SLC2A10: variants seen among roughly 807,000 people sequenced by gnomAD.
SLC2A10 encodes solute carrier family 2 member 10, also known as solute carrier family 2, facilitated glucose transporter member 10.
SLC2A10 carries 25 observed loss-of-function variants against 32.1 expected under a neutral mutation model. The ratio of observed to expected loss-of-function variants is 0.78; its 90% confidence interval spans 0.57 to 1.09. The LOEUF is 1.09. Ranked by LOEUF, SLC2A10 falls within the 50% of genes least tolerant of loss-of-function variation. SLC2A10 has a pLI of 0.00. For synonymous variants in SLC2A10, 332 were observed against 309.6 expected (o/e 1.07, Z -0.76); for missense variants, 673 against 686.5 (o/e 0.98, Z 0.22).
chr20:46,717,424 C>T (rs896588818), intron 1 of SLC2A10, among the ~76,000 whole-genome samples: 2 of 152,092 alleles, frequency 1.3e-5, no homozygotes, highest in Non-Finnish European at 2.9e-5. Context: ...CTTGCTCTGT[C>T]GCCCAGGCTG....
At chr20:46,708,547 C>G (rs1978719544), upstream of SLC2A10, among the ~76,000 whole-genome samples, 1 of 152,214 alleles carries the variant, frequency 6.6e-6, no homozygotes, top group Non-Finnish European at 1.5e-5. Flanking sequence ...TGCCCCTCTT[C>G]CAGTCTGTAA....
chr20:46,713,827 C>G (rs1009985337), intron 1 of SLC2A10, among the ~76,000 whole-genome samples: 2 of 152,114 alleles, frequency 1.3e-5, no homozygotes, highest in African/African-American at 4.8e-5. Flanking sequence ...GCTGGGGCCC[C>G]GGAGGCTCAG....
Position 46,725,419 on chromosome 20 carries a change from G to A in SLC2A10, c.383G>A (p.Gly128Glu), listed in dbSNP as rs1226198239. 1.9e-6 allele frequency: 3 copies of A among 1,614,004 alleles called. No homozygotes were observed. In the Admixed American group the frequency reaches 5.0e-5, roughly 27 times the overall value. ...ACCIYVSELV[G>E]PRQRGVLVSL... Reference sequence around the variant, plus strand: ...TGTATCTACGTGTCAGAGCTGGTGGGGCCACGGCAGCGGGGAGTGCTGGTG... The same window carrying A: ...TGTATCTACGTGTCAGAGCTGGTGGAGCCACGGCAGCGGGGAGTGCTGGTG... The change falls in exon 2 of 5, where the codon GGG (glycine) becomes GAG (glutamate). Residue 128 changes from glycine (G) to glutamate (E), a missense_variant. Coordinates refer to ENST00000359271, the MANE Select transcript of SLC2A10 (RefSeq NM_030777.4).
At chr20:46,723,230 G>A (rs1022384546) in intron 1 of SLC2A10, among the ~76,000 whole-genome samples, 3 of 152,086 alleles carry the variant, frequency 2.0e-5, no homozygotes, top group African/African-American at 4.8e-5. Context: ...GGCTGCTGAA[G>A]CTCCAGTCAT....
intron 1 of SLC2A10, among the ~76,000 whole-genome samples, chr20:46,713,339 G>T (rs1293077914): frequency 6.6e-6 from 1 of 152,072 alleles, no homozygotes; most frequent in Non-Finnish European, 1.5e-5. Context: ...CAGGGAGGTT[G>T]AATTTTAGGT....
intron 1 of SLC2A10, among the ~76,000 whole-genome samples, chr20:46,712,585 A>C (rs1043308408): frequency 7.9e-5 from 12 of 151,318 alleles, no homozygotes; most frequent in African/African-American, 2.7e-4. Flanking sequence ...AAGCCGTCTT[A>C]ATGTGTTCTC....
intron 1 of SLC2A10, among the ~76,000 whole-genome samples, chr20:46,717,588 T>A (rs1185975957): frequency 6.6e-6 from 1 of 152,180 alleles, no homozygotes; most frequent in Non-Finnish European, 1.5e-5. Context: ...TTTTGCCATG[T>A]TGGCCAGGCT....
rs374246708 is a variant in SLC2A10, at chr20:46,725,598, G to C, written c.562G>C (p.Gly188Arg). The C allele has an allele frequency of 1.2e-5, 20 of 1,614,060 alleles. No individual in the cohort carries two copies. Among genetic ancestry groups the C allele is most frequent in the Non-Finnish European group, 1.5e-5 (18 of 1,180,030 alleles). ...CCTCAGCCTCCTCTTCCTCCCTGCT[G>C]GTACAGATGAGACTGCAACACACAA... is the stretch of plus-strand genomic sequence containing the variant. ...QSLSLLFLPA[G>R]TDETATHKDL... Residue 188 changes from glycine to arginine, a missense_variant, in exon 2 of 5, where the codon GGT becomes CGT. Transcript: ENST00000359271.
intron 1 of SLC2A10, among the ~76,000 whole-genome samples, chr20:46,714,206 T>C (rs1979091933): frequency 6.6e-6 from 1 of 152,002 alleles, no homozygotes; most frequent in African/African-American, 2.4e-5. Context: ...TCCAGGCAAG[T>C]AAAACACCAG....
In SLC2A10 at chr20:46,719,079, G is replaced by T. The variant is rs781494362; in HGVS notation, c.5-5962G>T. Among the ~76,000 whole-genome samples the T allele has an allele frequency of 1.1e-4, 17 of 152,112 alleles. 1 individual carries two copies. The highest frequency in any genetic ancestry group is 7.2e-4 in the Admixed American group (11 of 15,276). On this transcript the variant is annotated intron_variant, in intron 1 of 4. Transcript: ENST00000359271. Reference sequence around the variant, plus strand: ...TTACAGGCATGAGCTACCACATTCGGCTTTAGCTGTGTATTTTAAGTTTCT... The same window carrying T: ...TTACAGGCATGAGCTACCACATTCGTCTTTAGCTGTGTATTTTAAGTTTCT...
Position 46,736,141 on chromosome 20 carries a change from G to T in SLC2A10, c.*2307G>T, listed in dbSNP as rs1334175073. 2.0e-5 allele frequency: 3 copies of T among 149,696 alleles called. No homozygotes were observed. Among genetic ancestry groups the T allele is most frequent in the African/African-American group, 7.6e-5 (3 of 39,654 alleles). The allele number at this position is 149,696 out of a possible 1,614,324, so 9.3% of individuals were successfully genotyped here. ...TTGTCTATATGGAATTTAGGATAAA[G>T]AATATTTACAATAAAGAATATTTAC... On this transcript the variant is annotated 3_prime_UTR_variant, in exon 5 of 5. Coordinates refer to ENST00000359271, the MANE Select transcript of SLC2A10 (RefSeq NM_030777.4).
chr20:46,729,645 T>G (rs1338924117), intron 4 of SLC2A10, among the ~76,000 whole-genome samples, 157 bp downstream of exon 4: 17 of 77,410 alleles, frequency 2.2e-4, no homozygotes, highest in South Asian at 8.9e-4. Flanking sequence ...TTTTTTTTTT[T>G]TTTTTTTTTT....
At chr20:46,721,451 A>AG (rs1979550314) in intron 1 of SLC2A10, among the ~76,000 whole-genome samples, 2 of 151,996 alleles carry the variant, frequency 1.3e-5, no homozygotes, top group African/African-American at 2.4e-5. Flanking sequence ...AAAAAAAAAA[A>AG]AAGAGAGAGA....
At chr20:46,730,690 A>G (rs1980251710) in intron 4 of SLC2A10, among the ~76,000 whole-genome samples, 1 of 151,952 alleles carries the variant, frequency 6.6e-6, no homozygotes, top group Admixed American at 6.6e-5. Flanking sequence ...GTAGGATCAC[A>G]TCAGGTCTTC....
chr20:46,710,655 G>A (rs1978854972), intron 1 of SLC2A10, among the ~76,000 whole-genome samples: 1 of 152,186 alleles, frequency 6.6e-6, no homozygotes, highest in African/African-American at 2.4e-5. Context: ...GAGCTTCCAG[G>A]TGGCAGCAAC....
chr20:46,716,359 G>A (rs1337241554), intron 1 of SLC2A10, among the ~76,000 whole-genome samples: 1 of 151,880 alleles, frequency 6.6e-6, no homozygotes, highest in Non-Finnish European at 1.5e-5. Flanking sequence ...CATCATGTTG[G>A]CCAGGCTGCT....
At chr20:46,728,604 GT>G (rs778644499) in intron 3 of SLC2A10, among the ~76,000 whole-genome samples, 7,643 of 101,310 alleles carry the variant, frequency 0.075, 156 homozygotes, top group East Asian at 0.16. Flanking sequence ...TTCTGGGTGT[GT>G]TTTTTTTTTT....
chr20:46,726,150 A>G lies in SLC2A10; in HGVS notation c.1114A>G (p.Lys372Glu), dbSNP rs376258756. The change falls in exon 2 of 5, where the codon AAG (lysine) becomes GAG (glutamate). Residue 372 changes from lysine (K) to glutamate (E), a missense_variant. Coordinates refer to ENST00000359271, the MANE Select transcript of SLC2A10 (RefSeq NM_030777.4). ...AAGGGAGCCAATCTTGTCCACTGCT[A>G]AGAAAACCAAGCCCCATCCCAGATC... is the stretch of plus-strand genomic sequence containing the variant. ...DQREPILSTA[K>E]KTKPHPRSGD... is the part of the protein sequence containing the mutation. 1 of 1,614,242 alleles carries G rather than the reference A, an allele frequency of 6.2e-7. No individual in the cohort carries two copies. Among genetic ancestry groups the G allele is most frequent in the Non-Finnish European group, 8.5e-7 (1 of 1,180,024 alleles).
chr20:46,729,523 C>T (rs1980165117), intron 4 of SLC2A10, 35 bp downstream of exon 4: 6 of 1,607,868 alleles, frequency 3.7e-6, no homozygotes, highest in African/African-American at 1.3e-5. Flanking sequence ...GGGGGAAGAG[C>T]TGTAGCACAC....
Sources: gnomAD v4.1 joint callset for allele counts (sites outside exome capture counted in the v4.1 genomes callset) on GRCh38, gnomAD v4.1.1 for gene constraint, MANE v1.5 for transcripts, NCBI Gene and HGNC (gene_info 2026-07-23, HGNC 2026-07-21) for gene names.